The following CCDC85A variants were observed in gnomAD, a reference collection of about 807,000 sequenced individuals.
CCDC85A encodes the protein coiled-coil domain containing 85A, also known as coiled-coil domain-containing protein 85A.
Under a neutral mutation model 50.2 loss-of-function variants are expected in CCDC85A, and 38 were observed. That is an observed-to-expected ratio of 0.76 (90% confidence interval 0.58 to 0.99). CCDC85A has a LOEUF of 0.99. CCDC85A is among the 50% of genes least tolerant of loss of function. CCDC85A has a pLI of 0.00. For synonymous variants in CCDC85A, 366 were observed against 301.4 expected, an observed-to-expected ratio of 1.21 and a Z score of -2.22; for missense variants, 820 against 742.0, an observed-to-expected ratio of 1.11 and a Z score of -1.22.
intron 3 of CCDC85A, among the ~76,000 whole-genome samples, chr2:56,360,070 G>A (rs1239019254): frequency 6.6e-6 from 1 of 152,198 alleles, no homozygotes; most frequent in Non-Finnish European, 1.5e-5. Flanking sequence ...GTGGAAGAGA[G>A]CTTAAAAAGA....
intron 3 of CCDC85A, among the ~76,000 whole-genome samples, chr2:56,358,295 A>G (rs1675338308): frequency 6.6e-6 from 1 of 152,202 alleles, no homozygotes; most frequent in South Asian, 2.1e-4. Flanking sequence ...ATAATGTTTT[A>G]TCCAGTTGGG....
intron 2 of CCDC85A, among the ~76,000 whole-genome samples, chr2:56,232,349 T>C (rs1027504885): frequency 2.6e-5 from 4 of 152,190 alleles, no homozygotes; most frequent in African/African-American, 9.6e-5. Flanking sequence ...AAACCAAATA[T>C]CTCCTAGTTG....
intron 1 of CCDC85A, among the ~76,000 whole-genome samples, chr2:56,187,989 G>A (rs1343801729): frequency 6.6e-6 from 1 of 152,228 alleles, no homozygotes; most frequent in East Asian, 1.9e-4. Context: ...GCTCTGCAGT[G>A]AAGCAAAATA....
intron 2 of CCDC85A, among the ~76,000 whole-genome samples, chr2:56,228,541 TA>T (rs1284224877): frequency 1.4e-5 from 2 of 139,740 alleles, no homozygotes; most frequent in African/African-American, 2.8e-5. Flanking sequence ...TTTTTTTATT[TA>T]TTTTTTTTGA....
intron 5 of CCDC85A, chr2:56,383,465 T>A (rs1465954775): frequency 3.0e-6 from 1 of 330,864 alleles, no homozygotes; most frequent in African/African-American, 2.2e-5. Flanking sequence ...ATTGGTGAAT[T>A]CGGTAGTTTT....
At chr2:56,312,018 C>T (rs13421201) in intron 2 of CCDC85A, among the ~76,000 whole-genome samples, 9 of 151,996 alleles carry the variant, frequency 5.9e-5, no homozygotes, top group African/African-American at 2.2e-4. Flanking sequence ...TAGATAAGGA[C>T]GGTCGGGGCA....
At chr2:56,224,688 A>G (rs2193474) in intron 2 of CCDC85A, among the ~76,000 whole-genome samples, 119,981 of 152,076 alleles carry the variant, frequency 0.79, 47,342 homozygotes, top group Admixed American at 0.82. Flanking sequence ...GTTTTGATTC[A>G]TATTTCCTTG....
intron 3 of CCDC85A, among the ~76,000 whole-genome samples, chr2:56,354,095 T>C (rs970704816): frequency 6.6e-6 from 1 of 152,254 alleles, no homozygotes; most frequent in African/African-American, 2.4e-5. Context: ...TTTCTCATAC[T>C]GCCTACAATA....
At chr2:56,195,701 G>A (rs1676494384) in intron 2 of CCDC85A, among the ~76,000 whole-genome samples, 1 of 152,164 alleles carries the variant, frequency 6.6e-6, no homozygotes, top group Admixed American at 6.5e-5. Context: ...TCATTTGTGT[G>A]TAAATAGATA....
chr2:56,304,380 T>G (rs1455482941), intron 2 of CCDC85A, among the ~76,000 whole-genome samples: 1 of 152,214 alleles, frequency 6.6e-6, no homozygotes, highest in Non-Finnish European at 1.5e-5. Flanking sequence ...ATCTGAGGAA[T>G]ATGATATGCA....
chr2:56,240,420 C>T (rs1669204531), intron 2 of CCDC85A, among the ~76,000 whole-genome samples: 1 of 152,184 alleles, frequency 6.6e-6, no homozygotes, highest in African/African-American at 2.4e-5. Context: ...CCTGCTCTCA[C>T]TCTGTGGAGT....
At chr2:56,299,452 T>C (rs1286550160) in intron 2 of CCDC85A, among the ~76,000 whole-genome samples, 1 of 152,142 alleles carries the variant, frequency 6.6e-6, no homozygotes, top group Non-Finnish European at 1.5e-5. Context: ...AAATTCATAA[T>C]CTCTGCTTGG....
intron 2 of CCDC85A, among the ~76,000 whole-genome samples, chr2:56,308,035 G>A (rs1295822516): frequency 6.6e-6 from 1 of 152,166 alleles, no homozygotes. Context: ...TACCCCAATA[G>A]CTTCCTATTT....
At chr2:56,361,416 C>T (rs1053022378) in intron 3 of CCDC85A, among the ~76,000 whole-genome samples, 5 of 152,094 alleles carry the variant, frequency 3.3e-5, no homozygotes, top group African/African-American at 4.8e-5. Flanking sequence ...GAGTTAAGGC[C>T]TCTGTCTCAT....
chr2:56,276,556 G>T (rs947719651), intron 2 of CCDC85A, among the ~76,000 whole-genome samples: 1 of 152,046 alleles, frequency 6.6e-6, no homozygotes, highest in African/African-American at 2.4e-5. Flanking sequence ...AACCCATTTA[G>T]CTTGGCTCTC....
At chr2:56,189,981 T>A (rs1293856134) in intron 1 of CCDC85A, among the ~76,000 whole-genome samples, 5 of 152,020 alleles carry the variant, frequency 3.3e-5, no homozygotes, top group African/African-American at 1.2e-4. Context: ...AGGAACAGAG[T>A]TGTTGGTGAT....
chr2:56,192,750 C>T lies in CCDC85A; in HGVS notation c.550C>T (p.Arg184Cys), dbSNP rs759658736. 5.9e-5 allele frequency: 95 copies of T among 1,613,158 alleles called. No homozygotes were observed. Among genetic ancestry groups the T allele is most frequent in the Admixed American group, 8.3e-5 (5 of 59,962 alleles). Reference protein sequence around the residue: ...EEKGAGCAGSRCSIDSQASLC... With the variant: ...EEKGAGCAGSCCSIDSQASLC... ...GAAGGGTGCAGGCTGCGCAGGCAGCCGCTGCTCCATCGACAGCCAGGCCAG... is the reference window on the plus strand; with the variant it reads ...GAAGGGTGCAGGCTGCGCAGGCAGCTGCTGCTCCATCGACAGCCAGGCCAG... Residue 184 changes from arginine (R) to cysteine (C), a missense_variant, in exon 2 of 6, where the codon CGC becomes TGC. Coordinates refer to ENST00000407595, the MANE Select transcript of CCDC85A (RefSeq NM_001080433.2). This position sits in a 1 kb window ranked among gnomAD's most constrained non-coding sequence, Gnocchi z 4.7.
intron 3 of CCDC85A, among the ~76,000 whole-genome samples, chr2:56,345,907 T>C (rs946597692): frequency 6.6e-6 from 1 of 152,214 alleles, no homozygotes; most frequent in Non-Finnish European, 1.5e-5. Context: ...AACACTTGAT[T>C]TTCAGTTATA....
At chr2:56,316,015 AG>A (rs1558637268) in intron 2 of CCDC85A, among the ~76,000 whole-genome samples, 1 of 152,126 alleles carries the variant, frequency 6.6e-6, no homozygotes. Flanking sequence ...TCTGTAGGCC[AG>A]CTACACTAGG....
Sources: allele counts gnomAD v4.1 joint callset (sites outside exome capture counted in the v4.1 genomes callset), GRCh38; gene constraint gnomAD v4.1.1; non-coding constraint Gnocchi (gnomAD v3.1); transcripts MANE v1.5; gene names NCBI Gene and HGNC (gene_info 2026-07-23, HGNC 2026-07-21).